The following RFESD variants were observed in gnomAD, a reference collection of about 807,000 sequenced individuals.
RFESD encodes the protein Rieske domain-containing protein.
In RFESD, 16 loss-of-function variants were observed where a neutral mutation model predicts 24.4. The observed-to-expected ratio is 0.66, with a 90% CI of 0.44 to 1.00. The LOEUF is 1.00. RFESD is among the 50% of genes least tolerant of loss of function. The pLI, the probability that RFESD is intolerant of heterozygous loss-of-function variation, is 0.00. For synonymous variants in RFESD, 59 were observed against 81.8 expected, an observed-to-expected ratio of 0.72 and a Z score of 1.50; for missense variants, 208 against 247.0, an observed-to-expected ratio of 0.84 and a Z score of 1.06.
chr5:95,654,565 C>T (rs1029374768), intron 5 of RFESD, among the ~76,000 whole-genome samples, 198 bp downstream of exon 5: 6 of 151,970 alleles, frequency 3.9e-5, no homozygotes, highest in African/African-American at 4.8e-5. Context: ...CATAATTGCA[C>T]GGATGTTTAA....
At chr5:95,652,038 G>A (rs1750370018) in intron 1 of RFESD, 99 bp from the exon 2 acceptor site, 1 of 399,878 alleles carries the variant, frequency 2.5e-6, no homozygotes, top group Non-Finnish European at 4.4e-6. Flanking sequence ...AGTTTCCTAA[G>A]AACCTCGAGT....
At chr5:95,654,279 C>T in intron 4 of RFESD, 43 bp downstream of exon 4, 1 of 1,607,750 alleles carries the variant, frequency 6.2e-7, no homozygotes. Flanking sequence ...AACCATGAAA[C>T]TATCAAAATT....
chr5:95,653,926 T>C, intron 3 of RFESD, 135 bp from the exon 4 acceptor site: 1 of 614,136 alleles, frequency 1.6e-6, no homozygotes, highest in Non-Finnish European at 2.8e-6. Context: ...TATTTATAAA[T>C]GTTTTATATA....
At chr5:95,651,449 C>T (rs967737812) in intron 1 of RFESD, among the ~76,000 whole-genome samples, 10 of 152,130 alleles carry the variant, frequency 6.6e-5, no homozygotes, top group South Asian at 2.1e-4. Flanking sequence ...GGCTGGAGTA[C>T]AGTGGTATGA....
Position 95,656,190 on chromosome 5 carries a change from A to G in RFESD, c.514A>G (p.Ile172Val). ...GTGCTCCAAAGGAATAAAGCAAAGG[A>G]TTCACACAGTGACAGTAGACAACGG... ...KWCSKGIKQR[I>V]HTVTVDNGNI... Residue 172 changes from isoleucine to valine, a missense_variant, in exon 6 of 6, where the codon ATT becomes GTT. Physicochemically the swap from Ile to Val is conservative, Grantham distance 29. Transcript: ENST00000380005. The G allele has an allele frequency of 6.2e-7, 1 of 1,614,110 alleles. No individual in the cohort carries two copies. The highest frequency in any genetic ancestry group is 8.5e-7 in the Non-Finnish European group (1 of 1,179,940).
chr5:95,653,353 ACAAT>A, intron 3 of RFESD, 139 bp downstream of exon 3: 1 of 1,211,050 alleles, frequency 8.3e-7, no homozygotes, highest in Non-Finnish European at 1.1e-6. Flanking sequence ...GACTATTCAG[ACAAT>A]CAAAGAATCC....
Position 95,652,046 on chromosome 5 carries a change from A to C in RFESD, c.-135-91A>C, listed in dbSNP as rs569734027. The C allele has an allele frequency of 5.6e-5, 23 of 413,890 alleles. No homozygotes were observed. The East Asian group carries it at 8.1e-4, about 15-fold the overall frequency. 25.6% of individuals were successfully genotyped at this position (413,890 alleles called of 1,614,324 possible). A position where few individuals can be genotyped will look rare whatever the true frequency, so the allele number is the denominator to read the frequency against. On this transcript the variant is annotated intron_variant, in intron 1 of 5. Transcript: ENST00000380005. ...TCAGGACAGTTTCCTAAGAACCTCGAGTTTTCTTCATGTATTATTTATTGT... is the reference window on the plus strand; with the variant it reads ...TCAGGACAGTTTCCTAAGAACCTCGCGTTTTCTTCATGTATTATTTATTGT...
Position 95,657,731 on chromosome 5 carries a change from C to T in RFESD, c.*1422C>T. 1 of 152,138 alleles carries T rather than the reference C, an allele frequency of 6.6e-6. No homozygotes were observed. The highest frequency in any genetic ancestry group is 1.9e-4 in the East Asian group (1 of 5,198). 9.4% of individuals were successfully genotyped at this position (152,138 alleles called of 1,614,324 possible). On this transcript the variant is annotated 3_prime_UTR_variant, in exon 6 of 6. Coordinates refer to ENST00000380005, the MANE Select transcript of RFESD (RefSeq NM_001131066.2). ...TGAGTAGCACTTGGTCCTCATTTCT[C>T]AGACAACCAACGAACCAGACTTGGG...
rs1750468615 is a variant in RFESD, at chr5:95,653,230, G to T, written c.158+16G>T. ...TTTATCTGAGGTAAGAAAATGAAAG[G>T]TTTTCATTCATACCCACCTTCTCTT... On this transcript the variant is annotated intron_variant, in intron 3 of 5. Coordinates refer to ENST00000380005, the MANE Select transcript of RFESD (RefSeq NM_001131066.2). The T allele has an allele frequency of 2.6e-6, 4 of 1,551,498 alleles. No individual in the cohort carries two copies. The highest frequency in any genetic ancestry group is 3.5e-6 in the Non-Finnish European group (4 of 1,146,950).
chr5:95,652,440 GTC>G, intron 2 of RFESD, 109 bp downstream of exon 2: 4 of 1,390,872 alleles, frequency 2.9e-6, no homozygotes, highest in Non-Finnish European at 3.9e-6. Flanking sequence ...CTACTTGGAT[GTC>G]TCTGAGATAC....
intron 3 of RFESD, 77 bp downstream of exon 3, chr5:95,653,291 A>C: frequency 6.5e-7 from 1 of 1,537,880 alleles, no homozygotes; most frequent in Non-Finnish European, 8.8e-7. Context: ...TGTAAGAGCC[A>C]ACTGTGTACT....
rs925802372 is a variant in RFESD at position 95,654,348 on chromosome 5, T to C, written c.350T>C (p.Leu117Ser). Residue 117 changes from leucine to serine, a missense_variant, in exon 5 of 6, where the codon TTA (leucine) becomes TCA (serine). Transcript: ENST00000380005. ...TCCTTTTCAGACTCAGGAGGACCTT[T>C]ACATTTGGGAGATATAGAGGTATGT... The part of the protein sequence containing the change: ...DIRCYHSGGP[L>S]HLGDIEDFDG... 5 of 1,607,490 alleles carry C rather than the reference T, an allele frequency of 3.1e-6. No homozygotes were observed. In the African/African-American group the frequency reaches 6.7e-5, roughly 22 times the overall value.
chr5:95,653,293 C>A, intron 3 of RFESD, 79 bp downstream of exon 3: 2 of 1,532,546 alleles, frequency 1.3e-6, no homozygotes, highest in African/African-American at 1.4e-5. Flanking sequence ...TAAGAGCCAA[C>A]TGTGTACTCC....
At chr5:95,653,931 T>C (rs191206154) in intron 3 of RFESD, 130 bp from the exon 4 acceptor site, 2 of 633,668 alleles carry the variant, frequency 3.2e-6, no homozygotes, top group African/African-American at 1.8e-5. Context: ...ATAAATGTTT[T>C]ATATAGCTAC....
At chr5:95,653,095 T>C (rs1342949478) in intron 2 of RFESD, 22 bp from the exon 3 acceptor site, 25 of 1,550,818 alleles carry the variant, frequency 1.6e-5, no homozygotes, top group Non-Finnish European at 2.1e-5. Context: ...CCTTCAGGCT[T>C]TTGTATTTGC....
In RFESD at chr5:95,656,011, T is replaced by C. The variant is rs377255968; in HGVS notation, c.370-35T>C. The C allele has an allele frequency of 1.0e-5, 16 of 1,596,434 alleles. No individual in the cohort carries two copies. The African/African-American group carries it at 2.0e-4, about 20-fold the overall frequency. ...CAGAGTCTATCAAGAACATTTGACA[T>C]GTCAGAATATTAAATGAGTTATTCT... On this transcript the variant is annotated intron_variant, in intron 5 of 5. Coordinates refer to ENST00000380005, the MANE Select transcript of RFESD (RefSeq NM_001131066.2).
rs546289923 is a variant in RFESD, at chr5:95,657,833, C to T, written c.*1524C>T. ...GTACTATCTCTCAGGAAGGTACATCCCAGTCTATTCTATCATGTGATAATC... is the reference window on the plus strand; with the variant it reads ...GTACTATCTCTCAGGAAGGTACATCTCAGTCTATTCTATCATGTGATAATC... On this transcript the variant is annotated 3_prime_UTR_variant, in exon 6 of 6. Coordinates refer to ENST00000380005, the MANE Select transcript of RFESD (RefSeq NM_001131066.2). 1 of 152,116 alleles carries T rather than the reference C, an allele frequency of 6.6e-6. No homozygotes were observed. Among genetic ancestry groups the T allele is most frequent in the Non-Finnish European group, 1.5e-5 (1 of 68,014 alleles). 9.4% of individuals were successfully genotyped at this position (152,116 alleles called of 1,614,324 possible). A position where few individuals can be genotyped will look rare whatever the true frequency, so the allele number is the denominator to read the frequency against.
Position 95,656,126 on chromosome 5 carries a change from G to A in RFESD, c.450G>A (p.Gln150=), listed in dbSNP as rs761323283. The change falls in exon 6 of 6, where the codon CAG becomes CAA. Residue 150 remains glutamine, a synonymous_variant. Transcript: ENST00000380005. ...ITLATGEGLY[Q]SINPKDPSAK... ...TGGCAACAGGAGAAGGTCTGTACCA[G>A]TCTATAAACCCTAAAGATCCATCAG... 3.7e-6 allele frequency: 6 copies of A among 1,613,770 alleles called. No individual in the cohort carries two copies. In the South Asian group the frequency reaches 4.4e-5, roughly 12 times the overall value.
rs1421576878 is a variant in RFESD at position 95,654,242 on chromosome 5, A to C, written c.334+6A>C. The stretch of plus-strand genomic sequence containing the variant: ...TATGGATATTCGCTGTTACCGTAAG[A>C]TTTTATTTTTCATTTGTAAAACTTT... On this transcript the variant is annotated splice_donor_region_variant and intron_variant, in intron 4 of 5. Coordinates refer to ENST00000380005, the MANE Select transcript of RFESD (RefSeq NM_001131066.2). The C allele has an allele frequency of 6.2e-7, 1 of 1,611,020 alleles. No homozygotes were observed. The highest frequency in any genetic ancestry group is 2.2e-5 in the East Asian group (1 of 44,806).
Sources: allele counts gnomAD v4.1 joint callset (sites outside exome capture counted in the v4.1 genomes callset), GRCh38; gene constraint gnomAD v4.1.1; transcripts MANE v1.5; gene names NCBI Gene and HGNC (gene_info 2026-07-23, HGNC 2026-07-21).